AOX1: variants seen among roughly 807,000 people sequenced by gnomAD.
The protein encoded by AOX1 is aldehyde oxidase 1.
A neutral mutation model predicts 169.5 loss-of-function variants in AOX1; 153 were observed. That is an observed-to-expected ratio of 0.90 (90% CI 0.79 to 1.03). The LOEUF is 1.03. AOX1 is among the 50% of genes least tolerant of loss of function. The pLI, the probability that AOX1 is intolerant of heterozygous loss-of-function variation, is 0.00. For synonymous variants in AOX1, 562 were observed against 581.9 expected (o/e 0.97, Z 0.49); for missense variants, 1,656 against 1,663.9 (o/e 1.00, Z 0.08).
intron 19 of AOX1, among the ~76,000 whole-genome samples, chr2:200,626,724 C>T (rs1179842550): frequency 1.3e-5 from 2 of 152,202 alleles, no homozygotes; most frequent in African/African-American, 4.8e-5. Flanking sequence ...AATGCTCATC[C>T]CCACAAAGAA....
downstream of AOX1, among the ~76,000 whole-genome samples, chr2:200,676,405 T>C (rs2036097739): frequency 6.6e-6 from 1 of 151,856 alleles, no homozygotes; most frequent in Non-Finnish European, 1.5e-5. Flanking sequence ...TTTGAGACCA[T>C]CCTGGCTAAC....
chr2:200,657,834 A>T (rs2105765772), intron 27 of AOX1, among the ~76,000 whole-genome samples: 1 of 152,328 alleles, frequency 6.6e-6, no homozygotes, highest in African/African-American at 2.4e-5. Context: ...CAAAGACCCT[A>T]CACAGTTTCA....
chr2:200,624,856 T>C (rs558244019), intron 19 of AOX1, among the ~76,000 whole-genome samples: 2 of 152,262 alleles, frequency 1.3e-5, no homozygotes, highest in South Asian at 2.1e-4. Context: ...TAGATGAGAC[T>C]CAGTCCATAC....
intron 30 of AOX1, among the ~76,000 whole-genome samples, chr2:200,662,255 T>C (rs984077695): frequency 3.3e-5 from 5 of 152,206 alleles, no homozygotes; most frequent in African/African-American, 1.2e-4. Context: ...GCATTTTTAA[T>C]GGCCACCTCC....
chr2:200,650,519 G>A (rs1473950236), intron 25 of AOX1, among the ~76,000 whole-genome samples: 2 of 152,128 alleles, frequency 1.3e-5, no homozygotes. Flanking sequence ...CTTTTAATTT[G>A]TTCTTCATCC....
Position 200,657,186 on chromosome 2 carries a change from A to ATT in AOX1, c.3171+250_3171+251insTT, listed in dbSNP as rs1323706482. Reference sequence around the variant, plus strand: ...CAAAAATATATATATATATATATATATATATTTTTTTTTTTTTTTAATTAG... The same window carrying ATT: ...CAAAAATATATATATATATATATATATTTATATTTTTTTTTTTTTTTAATTAG... On this transcript the variant is annotated intron_variant, in intron 27 of 34. Coordinates refer to ENST00000374700, the MANE Select transcript of AOX1 (RefSeq NM_001159.4). Among the ~76,000 whole-genome samples the ATT allele has an allele frequency of 3.1e-3, 205 of 65,726 alleles. 2 individuals are homozygous for ATT. Among genetic ancestry groups the ATT allele is most frequent in the East Asian group, 0.021 (29 of 1,378 alleles). The allele number at this position is 65,726 out of a possible 152,430, so 43.1% of individuals were successfully genotyped here. A position where few individuals can be genotyped will look rare whatever the true frequency, so the allele number is the denominator to read the frequency against.
chr2:200,662,470 G>A (rs1202236129), intron 30 of AOX1, among the ~76,000 whole-genome samples: 2 of 152,188 alleles, frequency 1.3e-5, no homozygotes, highest in African/African-American at 4.8e-5. Flanking sequence ...AAATTCTGGA[G>A]CCAGAAAGAT....
At chr2:200,644,533 G>C (rs2035414026) in intron 25 of AOX1, among the ~76,000 whole-genome samples, 1 of 152,098 alleles carries the variant, frequency 6.6e-6, no homozygotes, top group Non-Finnish European at 1.5e-5. Flanking sequence ...GGCTATGCGG[G>C]CTCTTTTTTG....
chr2:200,676,065 G>A (rs1052274047), downstream of AOX1, among the ~76,000 whole-genome samples: 4 of 151,926 alleles, frequency 2.6e-5, no homozygotes, highest in South Asian at 4.2e-4. Flanking sequence ...CTGTACAGAC[G>A]CACAGGAATC....
chr2:200,594,798 C>G (rs1186566226), intron 2 of AOX1, among the ~76,000 whole-genome samples: 2 of 152,144 alleles, frequency 1.3e-5, no homozygotes, highest in East Asian at 3.8e-4. Flanking sequence ...TATGAGAGAA[C>G]AGATATTAGG....
downstream of AOX1, chr2:200,677,209 G>A (rs964534702): frequency 4.4e-6 from 1 of 227,470 alleles, no homozygotes; most frequent in African/African-American, 2.4e-5. Flanking sequence ...TAGGGAAGGG[G>A]AGGAGAGAAG....
At position 200,671,486 on chromosome 2, in the gene AOX1, A is replaced by G. The variant is rs1317839147; in HGVS notation, c.*807A>G. 4.6e-5 allele frequency: 7 copies of G among 152,216 alleles called. No individual in the cohort carries two copies. The highest frequency in any genetic ancestry group is 4.6e-4 in the Admixed American group (7 of 15,278). 9.4% of individuals were successfully genotyped at this position (152,216 alleles called of 1,614,324 possible). On this transcript the variant is annotated 3_prime_UTR_variant, in exon 35 of 35. Transcript: ENST00000374700. ...ATATTATGTATCAATAAAATTTTTT[A>G]ATGGGCAAAGGATTTGAGTAGATGT...
At position 200,616,028 on chromosome 2, in the gene AOX1, C is replaced by T. The variant is rs1214836515; in HGVS notation, c.1669C>T (p.His557Tyr). ...DKYESALEDL[H>Y]SKHHCSTLKY... ...GTATGAAAGTGCTTTAGAAGATCTTCATTCCAAACATCACTGCAGTACATT... is the reference window on the plus strand; with the variant it reads ...GTATGAAAGTGCTTTAGAAGATCTTTATTCCAAACATCACTGCAGTACATT... Residue 557 changes from histidine to tyrosine, a missense_variant, in exon 16 of 35, where the codon CAT becomes TAT. Coordinates refer to ENST00000374700, the MANE Select transcript of AOX1 (RefSeq NM_001159.4). The T allele has an allele frequency of 1.9e-6, 3 of 1,613,738 alleles. No homozygotes were observed. The highest frequency in any genetic ancestry group is 2.5e-6 in the Non-Finnish European group (3 of 1,179,768).
intron 23 of AOX1, 67 bp downstream of exon 23, chr2:200,638,369 C>G: frequency 7.2e-7 from 1 of 1,382,286 alleles, no homozygotes. Context: ...GTGCGCAGGG[C>G]AGTCTTTGGC....
chr2:200,603,665 A>G (rs927561416), intron 7 of AOX1, among the ~76,000 whole-genome samples: 3 of 152,182 alleles, frequency 2.0e-5, no homozygotes, highest in Non-Finnish European at 2.9e-5. Flanking sequence ...TAAAGTGGAG[A>G]TGTCATGAAA....
At chr2:200,662,687 A>G (rs2035850473) in intron 30 of AOX1, among the ~76,000 whole-genome samples, 168 bp from the exon 31 acceptor site, 1 of 152,224 alleles carries the variant, frequency 6.6e-6, no homozygotes, top group African/African-American at 2.4e-5. Flanking sequence ...AGAAAAAACT[A>G]AATACTTATT....
intron 26 of AOX1, among the ~76,000 whole-genome samples, chr2:200,653,782 C>A (rs937835207): frequency 5.3e-5 from 8 of 152,210 alleles, no homozygotes; most frequent in Non-Finnish European, 1.2e-4. Context: ...TCTATTGGTG[C>A]CATTTTTCCA....
chr2:200,586,316 C>T (rs1159236091), intron 1 of AOX1, among the ~76,000 whole-genome samples, 163 bp downstream of exon 1: 1 of 152,262 alleles, frequency 6.6e-6, no homozygotes, highest in Non-Finnish European at 1.5e-5. Flanking sequence ...ATTCCCACCC[C>T]TGCCTCCGGG....
In AOX1 at chr2:200,666,741, G is replaced by C. The variant is rs1207592904; in HGVS notation, c.3598G>C (p.Asp1200His). 6.2e-7 allele frequency: 1 copy of C among 1,611,078 alleles called. No homozygotes were observed. Reference protein sequence around the residue: ...DVGCSINPAIDIGQIEGAFIQ... With the variant: ...DVGCSINPAIHIGQIEGAFIQ... ...TGGCTGCAGTATAAATCCAGCCATT[G>C]ACATAGGCCAGGTACGTGTAACTGA... The change falls in exon 32 of 35, where the codon GAC (aspartate) becomes CAC (histidine). Residue 1200 changes from aspartate to histidine, a missense_variant. Coordinates refer to ENST00000374700, the MANE Select transcript of AOX1 (RefSeq NM_001159.4).
Sources: gnomAD v4.1 joint callset for allele counts (sites outside exome capture counted in the v4.1 genomes callset) on GRCh38, gnomAD v4.1.1 for gene constraint, MANE v1.5 for transcripts, NCBI Gene and HGNC (gene_info 2026-07-23, HGNC 2026-07-21) for gene names.